Variants in KRT7 observed in about 807,000 individuals in gnomAD.
The protein encoded by KRT7 is keratin 7, also known as keratin, type II cytoskeletal 7.
KRT7 carries 50 observed loss-of-function variants against 42.8 expected under a neutral mutation model. The ratio of observed to expected loss-of-function variants is 1.17; its 90% CI spans 0.93 to 1.48. The LOEUF (loss-of-function observed/expected upper bound fraction) is 1.48. KRT7 is among the 40% of genes most tolerant of loss of function. The pLI is 0.00. For missense variants in KRT7, 588 were observed against 637.6 expected, an observed-to-expected ratio of 0.92 and a Z score of 0.84; for synonymous variants, 268 against 266.3, an observed-to-expected ratio of 1.01 and a Z score of -0.06.
At chr12:52,233,848 T>G (rs956343420) in intron 1 of KRT7, among the ~76,000 whole-genome samples, 3 of 152,146 alleles carry the variant, frequency 2.0e-5, no homozygotes, top group African/African-American at 7.2e-5. Flanking sequence ...GCTGCCCAGC[T>G]GCCCCTCCCT....
At chr12:52,250,728 C>T (rs1942253106), downstream of KRT7, 2 of 457,718 alleles carry the variant, frequency 4.4e-6, no homozygotes, top group Non-Finnish European at 8.3e-6. Flanking sequence ...TCTATGCGCG[C>T]CCCTCAAACC....
intron 4 of KRT7, 63 bp from the exon 5 acceptor site, chr12:52,241,409 C>A: frequency 2.9e-6 from 4 of 1,391,392 alleles, no homozygotes; most frequent in Non-Finnish European, 3.9e-6. Flanking sequence ...AGTGGGGAAT[C>A]CCAGGGTGGG....
At chr12:52,233,702 G>A (rs567867864) in intron 1 of KRT7, 82 bp downstream of exon 1, 3 of 1,420,360 alleles carry the variant, frequency 2.1e-6, no homozygotes, top group Middle Eastern at 2.4e-4. Context: ...CCTGCGCGCG[G>A]GCCAGGCGCT....
chr12:52,250,537 C>T, downstream of KRT7: 2 of 1,063,386 alleles, frequency 1.9e-6, no homozygotes, highest in Non-Finnish European at 2.8e-6. Context: ...GTGCTCACCG[C>T]CACGTTCCCG....
At chr12:52,237,113 T>C (rs963344113) in intron 2 of KRT7, among the ~76,000 whole-genome samples, 3 of 152,230 alleles carry the variant, frequency 2.0e-5, no homozygotes, top group Admixed American at 2.0e-4. Context: ...TTCCCTTCTC[T>C]GATAACCACA....
At chr12:52,248,287 C>A (rs1326545424) in intron 8 of KRT7, 76 bp downstream of exon 8, 1 of 1,470,342 alleles carries the variant, frequency 6.8e-7, no homozygotes, top group Non-Finnish European at 9.5e-7. Flanking sequence ...GAATGGCAGA[C>A]TGGCCCAGGG....
chr12:52,242,807 T>G (rs1032188189), intron 5 of KRT7, among the ~76,000 whole-genome samples: 1 of 152,156 alleles, frequency 6.6e-6, no homozygotes, highest in African/African-American at 2.4e-5. Context: ...CGGAGCCTTG[T>G]CTGTCCTCCC....
intron 1 of KRT7, among the ~76,000 whole-genome samples, chr12:52,234,127 A>AGGTGGGGGGGGGGG (rs1555181951): frequency 1.2e-5 from 1 of 82,846 alleles, no homozygotes; most frequent in African/African-American, 4.9e-5. Flanking sequence ...GGGGCGGGGG[A>AGGTGGGGGGGGGGG]GGGGGGGGGG....
chr12:52,255,074 G>A (rs915338192), downstream of KRT7, among the ~76,000 whole-genome samples: 6 of 152,242 alleles, frequency 3.9e-5, no homozygotes, highest in Non-Finnish European at 8.8e-5. Context: ...AAAATCTGGT[G>A]GCTATATGGC....
downstream of KRT7, chr12:52,251,842 A>T (rs1345859791): frequency 3.0e-5 from 11 of 367,466 alleles, no homozygotes; most frequent in South Asian, 1.5e-4. Flanking sequence ...GAACCCAGTC[A>T]TACCGCTTCC....
At chr12:52,239,689 G>A (rs921277283) in intron 4 of KRT7, among the ~76,000 whole-genome samples, 6 of 152,134 alleles carry the variant, frequency 3.9e-5, no homozygotes, top group African/African-American at 1.4e-4. Context: ...AGGTGGGCTA[G>A]GTAGGGCCAG....
intron 2 of KRT7, among the ~76,000 whole-genome samples, chr12:52,236,704 C>T (rs1565717257): frequency 6.6e-6 from 1 of 152,246 alleles, no homozygotes; most frequent in Non-Finnish European, 1.5e-5. Flanking sequence ...GTTGTCCCTA[C>T]TGCTTCCAGC....
rs942291825 is a variant in KRT7, at chr12:52,243,103, G to A, written c.950G>A (p.Arg317Lys). ...TCAGAGATGAACCGGGCCATCCAGA[G>A]GCTGCAGGCTGAGATCGACAACATC... is the stretch of plus-strand genomic sequence containing the variant. ...EISEMNRAIQ[R>K]LQAEIDNIKN... is the part of the protein sequence containing the mutation. The change falls in exon 6 of 9, where the codon AGG (arginine) becomes AAG (lysine). Residue 317 changes from arginine to lysine, a missense_variant. By Grantham distance (26) the Arg-to-Lys change is conservative. Transcript: ENST00000331817. The A allele has an allele frequency of 1.2e-6, 2 of 1,613,454 alleles. No individual in the cohort carries two copies. Among genetic ancestry groups the A allele is most frequent in the Non-Finnish European group, 1.7e-6 (2 of 1,179,752 alleles).
chr12:52,233,844 C>T (rs1941961438), intron 1 of KRT7, among the ~76,000 whole-genome samples: 1 of 152,188 alleles, frequency 6.6e-6, no homozygotes, highest in African/African-American at 2.4e-5. Context: ...GCAAGCTGCC[C>T]AGCTGCCCCT....
chr12:52,252,371 C>G, downstream of KRT7: 1 of 1,614,096 alleles, frequency 6.2e-7, no homozygotes, highest in Non-Finnish European at 8.5e-7. Flanking sequence ...CCATGTCCTG[C>G]TTGGCCTTCT....
intron 2 of KRT7, among the ~76,000 whole-genome samples, chr12:52,236,023 C>G (rs1185145770): frequency 6.6e-6 from 1 of 152,242 alleles, no homozygotes; most frequent in African/African-American, 2.4e-5. Context: ...TTTTTGCACT[C>G]TTTTCTCATT....
Position 52,235,301 on chromosome 12 carries a change from G to A in KRT7, c.471G>A (p.Val157=). The A allele has an allele frequency of 6.2e-7, 1 of 1,614,082 alleles. No homozygotes were observed. The highest frequency in any genetic ancestry group is 1.3e-5 in the African/African-American group (1 of 75,072). The change falls in exon 2 of 9, where the codon GTG becomes GTA. Residue 157 remains valine, a synonymous_variant. Transcript: ENST00000331817. ...GGGGTCAGCTTGAGGCACTGCAGGT[G>A]GATGGGGGCCGCCTGGAGGCGGAGC... ...GLRGQLEALQ[V]DGGRLEAELR...
downstream of KRT7, chr12:52,252,156 C>G (rs1425872116): frequency 7.1e-7 from 1 of 1,402,072 alleles, no homozygotes; most frequent in African/African-American, 1.4e-5. Flanking sequence ...AGCGTTGATG[C>G]ACATTCCAAG....
chr12:52,242,895 G>A (rs1387840506), intron 5 of KRT7, 117 bp from the exon 6 acceptor site: 61 of 1,225,634 alleles, frequency 5.0e-5, no homozygotes, highest in Non-Finnish European at 6.4e-5. Flanking sequence ...GTTGATGGGA[G>A]TCAGACTGTC....
Sources: gnomAD v4.1 joint callset for allele counts (sites outside exome capture counted in the v4.1 genomes callset) on GRCh38, gnomAD v4.1.1 for gene constraint, MANE v1.5 for transcripts, NCBI Gene and HGNC (gene_info 2026-07-23, HGNC 2026-07-21) for gene names.